The following STK3 variants were observed in gnomAD, a reference collection of about 807,000 sequenced individuals.
STK3 encodes serine/threonine-protein kinase 3.
STK3 carries 41 observed loss-of-function variants against 58.0 expected under a neutral mutation model. That is an observed-to-expected ratio of 0.71 (90% CI 0.55 to 0.92). The LOEUF is 0.92. Ranked by LOEUF, STK3 falls within the 40% of genes least tolerant of loss-of-function variation. The pLI, the probability that STK3 is intolerant of heterozygous loss-of-function variation, is 0.00. For missense variants in STK3, 479 were observed against 602.7 expected (o/e 0.79, Z 2.15); for synonymous variants, 170 against 191.0 (o/e 0.89, Z 0.91).
At chr8:98,879,808 T>C (rs1837726225), downstream of STK3, 1 of 152,202 alleles carries the variant, frequency 6.6e-6, no homozygotes, top group Non-Finnish European at 1.5e-5. Context: ...TAAAAAAGAT[T>C]AAATCAATAA....
At chr8:98,569,790 T>C (rs189059366) in intron 8 of STK3, among the ~76,000 whole-genome samples, 218 of 151,900 alleles carry the variant, frequency 1.4e-3, no homozygotes, top group Non-Finnish European at 2.5e-3. Flanking sequence ...TTTTACAAGT[T>C]TTCAATTTGT....
chr8:98,797,331 TC>T (rs1264561858), intron 1 of STK3, among the ~76,000 whole-genome samples: 2 of 152,056 alleles, frequency 1.3e-5, no homozygotes, highest in Non-Finnish European at 2.9e-5. Context: ...TTCCTATCCT[TC>T]CCCCATCAGC....
chr8:98,357,392 T>TG, the STK3 span, among the ~76,000 whole-genome samples: 3 of 152,222 alleles, frequency 2.0e-5, no homozygotes, highest in Non-Finnish European at 2.9e-5. Flanking sequence ...CCGATTCTCT[T>TG]GGGCCAAGTG....
intron 3 of STK3, among the ~76,000 whole-genome samples, chr8:98,840,261 CA>C (rs1835915150): frequency 6.7e-6 from 1 of 149,326 alleles, no homozygotes; most frequent in South Asian, 2.1e-4. Context: ...GCACGAGAAT[CA>C]CTTGAACCCA....
intron 10 of STK3, among the ~76,000 whole-genome samples, chr8:98,519,026 T>C (rs1228066623): frequency 2.6e-5 from 4 of 152,140 alleles, no homozygotes; most frequent in Admixed American, 6.6e-5. Flanking sequence ...TCATACTTTG[T>C]TAATACTCTT....
intron 6 of STK3, among the ~76,000 whole-genome samples, chr8:98,666,988 T>TA (rs1203594847): frequency 1.3e-5 from 2 of 152,174 alleles, no homozygotes; most frequent in African/African-American, 2.4e-5. Flanking sequence ...ATTGTCTTTT[T>TA]AAAAAATCTC....
intron 4 of STK3, chr8:98,722,878 T>C (rs926276211): frequency 1.2e-5 from 6 of 507,930 alleles, no homozygotes; most frequent in Non-Finnish European, 2.3e-5. Context: ...TAGAAGAAGG[T>C]AATGTAAGAA....
chr8:98,594,463 G>A (rs1170216178), intron 7 of STK3, among the ~76,000 whole-genome samples: 4 of 152,104 alleles, frequency 2.6e-5, no homozygotes, highest in South Asian at 2.1e-4. Flanking sequence ...AGCCAGGCAT[G>A]GTGGCACACA....
At chr8:98,581,827 T>C (rs1035241603) in intron 7 of STK3, among the ~76,000 whole-genome samples, 1 of 151,946 alleles carries the variant, frequency 6.6e-6, no homozygotes, top group East Asian at 1.9e-4. Flanking sequence ...TCTTTCCACC[T>C]TTTAGAGTCT....
chr8:98,831,511 C>A (rs1288718065), intron 3 of STK3, among the ~76,000 whole-genome samples: 8 of 152,192 alleles, frequency 5.3e-5, no homozygotes, highest in Non-Finnish European at 8.8e-5. Context: ...CCCACCTTAG[C>A]CTCCCATAGT....
intron 6 of STK3, among the ~76,000 whole-genome samples, chr8:98,624,960 G>A (rs1818603584): frequency 6.6e-6 from 1 of 152,116 alleles, no homozygotes; most frequent in African/African-American, 2.4e-5. Flanking sequence ...GAAAACAGGA[G>A]GAAAAATAAG....
intron 8 of STK3, among the ~76,000 whole-genome samples, chr8:98,561,160 T>C (rs1022288470): frequency 1.3e-5 from 2 of 152,148 alleles, no homozygotes; most frequent in South Asian, 4.1e-4. Flanking sequence ...ATCAATGATG[T>C]ATCATTGAAA....
chr8:98,843,697 G>A (rs1015901639), intron 3 of STK3, among the ~76,000 whole-genome samples: 1 of 152,176 alleles, frequency 6.6e-6, no homozygotes, highest in Non-Finnish European at 1.5e-5. Flanking sequence ...AACAACAACT[G>A]GCTTATCTGA....
At chr8:98,633,459 T>C (rs1819402548) in intron 6 of STK3, 1 of 565,424 alleles carries the variant, frequency 1.8e-6, no homozygotes, top group Non-Finnish European at 3.2e-6. Context: ...ATTAAATCAG[T>C]TGGTACTGAT....
intron 6 of STK3, chr8:98,598,737 C>T (rs1816048329): frequency 3.0e-6 from 3 of 985,268 alleles, no homozygotes; most frequent in Admixed American, 6.2e-5. Context: ...TATAATTTAT[C>T]TTATCTCTAA....
chr8:98,508,876 G>T (rs1433238787), intron 10 of STK3, among the ~76,000 whole-genome samples: 1 of 152,042 alleles, frequency 6.6e-6, no homozygotes, highest in Non-Finnish European at 1.5e-5. Context: ...GCATAGCCTT[G>T]TTCTATTTAA....
At chr8:98,535,439 C>A (rs1291351704) in intron 9 of STK3, among the ~76,000 whole-genome samples, 1 of 150,224 alleles carries the variant, frequency 6.7e-6, no homozygotes, top group East Asian at 1.9e-4. Flanking sequence ...CAAGCCAGGA[C>A]CACATTGCTT....
At chr8:98,361,875 G>T in the STK3 span, among the ~76,000 whole-genome samples, 1 of 152,112 alleles carries the variant, frequency 6.6e-6, no homozygotes, top group Admixed American at 6.5e-5. Flanking sequence ...GCCACAAGGG[G>T]GTTCTGTAGC....
chr8:98,907,164 A>T (rs111660868), intron 1 of STK3, among the ~76,000 whole-genome samples: 11,492 of 151,658 alleles, frequency 0.076, 670 homozygotes, highest in African/African-American at 0.16. Context: ...TCTCAAAAGC[A>T]ACCAAAAAAC....
Sources: gnomAD v4.1 joint callset for allele counts (sites outside exome capture counted in the v4.1 genomes callset) on GRCh38, gnomAD v4.1.1 for gene constraint, MANE v1.5 for transcripts, NCBI Gene and HGNC (gene_info 2026-07-23, HGNC 2026-07-21) for gene names.